PCED1B: variants seen among roughly 807,000 people sequenced by gnomAD.
The protein encoded by PCED1B is PC-esterase domain containing 1B, also known as PC-esterase domain-containing protein 1B.
For missense variants in PCED1B, 573 were observed against 573.9 expected (o/e 1.00, Z 0.02); for synonymous variants, 251 against 246.1 (o/e 1.02, Z -0.19).
At chr12:47,103,400 C>G (rs969960668) in intron 1 of PCED1B, among the ~76,000 whole-genome samples, 1 of 152,132 alleles carries the variant, frequency 6.6e-6, no homozygotes, top group African/African-American at 2.4e-5. Context: ...CGCACTGCAG[C>G]AGGGCCTGGA....
intron 2 of PCED1B, among the ~76,000 whole-genome samples, chr12:47,106,462 T>A (rs1938952195): frequency 6.6e-6 from 1 of 152,144 alleles, no homozygotes; most frequent in Admixed American, 6.5e-5. Flanking sequence ...AAGTATAGAC[T>A]TCTAGGAGTT....
At chr12:47,182,076 A>G (rs1942112297) in intron 2 of PCED1B, among the ~76,000 whole-genome samples, 1 of 152,252 alleles carries the variant, frequency 6.6e-6, no homozygotes, top group Non-Finnish European at 1.5e-5. Flanking sequence ...GACTGCGTCC[A>G]GTTAGAAATC....
chr12:47,089,267 C>T (rs1291737801), intron 1 of PCED1B, among the ~76,000 whole-genome samples: 3 of 151,370 alleles, frequency 2.0e-5, no homozygotes, highest in African/African-American at 4.9e-5. Flanking sequence ...ACGGTGAAAC[C>T]GATCTCTACT....
intron 2 of PCED1B, among the ~76,000 whole-genome samples, chr12:47,174,566 C>T (rs1941862582): frequency 6.6e-6 from 1 of 152,168 alleles, no homozygotes; most frequent in Non-Finnish European, 1.5e-5. Context: ...CATACTCTAC[C>T]CACTGGTCCT....
At chr12:47,228,038 CTT>C (rs35458566) in intron 3 of PCED1B, among the ~76,000 whole-genome samples, 6 of 143,454 alleles carry the variant, frequency 4.2e-5, no homozygotes, top group Non-Finnish European at 3.0e-5. Context: ...TTTTCTTTTC[CTT>C]TTTTTTTTTT....
intron 2 of PCED1B, among the ~76,000 whole-genome samples, chr12:47,186,157 G>T (rs1406574938): frequency 6.6e-6 from 1 of 151,820 alleles, no homozygotes; most frequent in Non-Finnish European, 1.5e-5. Context: ...GGCAGGGGTT[G>T]CAGTGAGCCA....
chr12:47,134,430 C>CA (rs768042970), intron 2 of PCED1B, among the ~76,000 whole-genome samples: 1 of 152,022 alleles, frequency 6.6e-6, no homozygotes, highest in South Asian at 2.1e-4. Context: ...ATATTTAAAA[C>CA]AAACAAACAC....
At chr12:47,126,667 A>G (rs1003385067) in intron 2 of PCED1B, among the ~76,000 whole-genome samples, 21 of 152,142 alleles carry the variant, frequency 1.4e-4, no homozygotes, top group Non-Finnish European at 2.6e-4. Flanking sequence ...TTCAATTTCA[A>G]ATTATTTAAT....
chr12:47,127,316 A>T (rs1314961815), intron 2 of PCED1B, among the ~76,000 whole-genome samples: 4 of 148,986 alleles, frequency 2.7e-5, no homozygotes, highest in African/African-American at 9.9e-5. Flanking sequence ...AGAGTGTGTT[A>T]TTTAGTTTCC....
chr12:47,166,287 T>C (rs1161328288), intron 2 of PCED1B, among the ~76,000 whole-genome samples: 1 of 152,242 alleles, frequency 6.6e-6, no homozygotes, highest in Non-Finnish European at 1.5e-5. Flanking sequence ...TCCATGACTT[T>C]GGTTGAGCCG....
chr12:47,096,336 G>T (rs1159376580), intron 1 of PCED1B, among the ~76,000 whole-genome samples: 4 of 151,816 alleles, frequency 2.6e-5, no homozygotes, highest in Non-Finnish European at 5.9e-5. Context: ...GATAAACTTT[G>T]ATTTCAATAA....
rs149561652 is a variant in PCED1B, at chr12:47,159,609, G to A, written c.-526+55414G>A. ...TCTTTTTTTTTACTGTTGAGCTCTC[G>A]GTTTTCCTTGTATATTCTGGATATT... On this transcript the variant is annotated intron_variant, in intron 2 of 3. Coordinates refer to ENST00000546455, the MANE Select transcript of PCED1B (RefSeq NM_138371.3). Among the ~76,000 whole-genome samples, 354 of 151,254 alleles carry A rather than the reference G, an allele frequency of 2.3e-3. 1 individual carries two copies. Among genetic ancestry groups the A allele is most frequent in the African/African-American group, 7.4e-3 (307 of 41,268 alleles).
chr12:47,221,667 T>C (rs1346551693), intron 3 of PCED1B, among the ~76,000 whole-genome samples: 1 of 152,214 alleles, frequency 6.6e-6, no homozygotes, highest in Non-Finnish European at 1.5e-5. Flanking sequence ...CTCTCTGAAA[T>C]TGCCTGGTGA....
intron 2 of PCED1B, among the ~76,000 whole-genome samples, chr12:47,132,611 T>C (rs1940178355): frequency 6.6e-6 from 1 of 152,124 alleles, no homozygotes; most frequent in Non-Finnish European, 1.5e-5. Context: ...TTGTACTATG[T>C]GTAAGTCAAT....
At chr12:47,153,322 C>T (rs1235505050) in intron 2 of PCED1B, among the ~76,000 whole-genome samples, 1 of 135,032 alleles carries the variant, frequency 7.4e-6, no homozygotes, top group Non-Finnish European at 1.5e-5. Flanking sequence ...TGCACTCCAA[C>T]TCCAGCCTGG....
chr12:47,224,472 T>C (rs1943576141), intron 3 of PCED1B, among the ~76,000 whole-genome samples: 1 of 152,256 alleles, frequency 6.6e-6, no homozygotes, highest in Non-Finnish European at 1.5e-5. Context: ...GCTGATAGTT[T>C]ATTTAAAAAG....
In PCED1B at chr12:47,120,077, A is replaced by G. The variant is rs75000620; in HGVS notation, c.-526+15882A>G. On this transcript the variant is annotated intron_variant, in intron 2 of 3. Transcript: ENST00000546455. The stretch of plus-strand genomic sequence containing the variant: ...AGATACACAAATGGTCAATAAGTAC[A>G]TGAAAAGATGCTCAACGTTATTAGT... Among the ~76,000 whole-genome samples the G allele has an allele frequency of 5.7e-3, 865 of 152,300 alleles. 2 individuals carry two copies. The highest frequency in any genetic ancestry group is 9.3e-3 in the Non-Finnish European group (632 of 68,012).
At chr12:47,161,905 C>T (rs1166578619) in intron 2 of PCED1B, among the ~76,000 whole-genome samples, 4 of 152,172 alleles carry the variant, frequency 2.6e-5, no homozygotes, top group Non-Finnish European at 4.4e-5. Context: ...AAATGTGGCA[C>T]ATATACACTA....
At chr12:47,200,701 C>A (rs531870385) in intron 2 of PCED1B, among the ~76,000 whole-genome samples, 1 of 152,346 alleles carries the variant, frequency 6.6e-6, no homozygotes, top group South Asian at 2.1e-4. Flanking sequence ...AACTTGGCAG[C>A]AAATGCCCTC....
Sources: allele counts gnomAD v4.1 joint callset (sites outside exome capture counted in the v4.1 genomes callset), GRCh38; gene constraint gnomAD v4.1.1; transcripts MANE v1.5; gene names NCBI Gene and HGNC (gene_info 2026-07-23, HGNC 2026-07-21).